Variants in DENND5B observed in about 807,000 individuals in gnomAD.
DENND5B encodes the protein DENN domain containing 5B.
A neutral mutation model predicts 140.6 loss-of-function variants in DENND5B; 34 were observed. The ratio of observed to expected loss-of-function variants is 0.24; its 90% CI spans 0.18 to 0.32. The LOEUF (loss-of-function observed/expected upper bound fraction) is 0.32. Ranked by LOEUF, DENND5B falls within the 10% of genes least tolerant of loss-of-function variation. The pLI is 1.00. For missense variants in DENND5B, 1,142 were observed against 1,560.2 expected (o/e 0.73, Z 4.52); for synonymous variants, 551 against 562.1 (o/e 0.98, Z 0.28).
At chr12:31,466,971 G>C (rs1444304803) in intron 3 of DENND5B, among the ~76,000 whole-genome samples, 1 of 151,980 alleles carries the variant, frequency 6.6e-6, no homozygotes, top group Non-Finnish European at 1.5e-5. Flanking sequence ...GTAACAATGA[G>C]AGTCATTCAT....
chr12:31,469,069 C>T (rs550734777), intron 3 of DENND5B, among the ~76,000 whole-genome samples: 3 of 152,010 alleles, frequency 2.0e-5, no homozygotes, highest in Middle Eastern at 3.4e-3. Context: ...GGTGCATTGC[C>T]TCAGGTCTGT....
chr12:31,400,653 T>C (rs1196573335), intron 15 of DENND5B, among the ~76,000 whole-genome samples: 1 of 152,222 alleles, frequency 6.6e-6, no homozygotes, highest in Non-Finnish European at 1.5e-5. Context: ...CAATGCCTAA[T>C]AACTGTATCA....
At chr12:31,500,579 G>T in intron 1 of DENND5B, 1 of 297,904 alleles carries the variant, frequency 3.4e-6, no homozygotes, top group South Asian at 2.7e-5. Context: ...ACTCAGGAAG[G>T]CCAGGCAGGA....
At chr12:31,389,147 A>C (rs11615330) in intron 20 of DENND5B, among the ~76,000 whole-genome samples, 177 bp downstream of exon 20, 23,727 of 152,194 alleles carry the variant, frequency 0.16, 2,130 homozygotes, top group East Asian at 0.25. Flanking sequence ...CAGTGAGCCA[A>C]GATTATGCCA....
chr12:31,511,921 C>CTTTTTTTT lies in DENND5B; in HGVS notation c.128-16010_128-16003dup, dbSNP rs761566462. Among the ~76,000 whole-genome samples, 68 of 98,936 alleles carry CTTTTTTTT rather than the reference C, an allele frequency of 6.9e-4. 4 individuals carry two copies. Among genetic ancestry groups the CTTTTTTTT allele is most frequent in the Non-Finnish European group, 9.2e-4 (50 of 54,226 alleles). The allele number at this position is 98,936 out of a possible 152,430, so 64.9% of individuals were successfully genotyped here. ...AAATAAAAACATCCCCTCCACTGCC[C>CTTTTTTTT]TTTTTTTTTTTTTTTTTTTTGTGAC... On this transcript the variant is annotated intron_variant, in intron 1 of 20. Coordinates refer to ENST00000389082, the MANE Select transcript of DENND5B (RefSeq NM_144973.4).
intron 1 of DENND5B, among the ~76,000 whole-genome samples, chr12:31,580,482 TTTTA>T (rs1310349924): frequency 1.3e-5 from 2 of 152,076 alleles, no homozygotes; most frequent in African/African-American, 2.4e-5. Context: ...ATTTTACTGT[TTTTA>T]TTTATTTTAT....
At chr12:31,542,091 G>A (rs925617190) in intron 1 of DENND5B, among the ~76,000 whole-genome samples, 5 of 152,046 alleles carry the variant, frequency 3.3e-5, no homozygotes, top group African/African-American at 1.2e-4. Flanking sequence ...TTCAAGACCA[G>A]TCTGGCCAAT....
rs373469738 is a variant in DENND5B, at chr12:31,428,119, C to T, written c.2107-1695G>A. Among the ~76,000 whole-genome samples the T allele has an allele frequency of 3.5e-4, 53 of 152,218 alleles. No homozygotes were observed. The East Asian group carries it at 7.6e-3, about 22-fold the overall frequency. On this transcript the variant is annotated intron_variant, in intron 8 of 20. Transcript: ENST00000389082. ...AATTTTCTCTTATTTCTTTGACCCTCTTAAAAATGTTTGAAGCAGAGGCCA... is the reference window on the plus strand; with the variant it reads ...AATTTTCTCTTATTTCTTTGACCCTTTTAAAAATGTTTGAAGCAGAGGCCA...
At chr12:31,437,812 G>T (rs546609187) in intron 7 of DENND5B, among the ~76,000 whole-genome samples, 2 of 152,106 alleles carry the variant, frequency 1.3e-5, no homozygotes, top group African/African-American at 4.8e-5. Context: ...TAATAAAAAA[G>T]GTATAACATT....
rs115571000 is a variant in DENND5B at position 31,472,684 on chromosome 12, C to A, written c.904+6905G>T. ...CCAAAATTAAAGGGCTCAAACAAAT[C>A]TGCTCTATTTGCCCCAGCACAGAGA... On this transcript the variant is annotated intron_variant, in intron 3 of 20. Transcript: ENST00000389082. Among the ~76,000 whole-genome samples the A allele has an allele frequency of 1.3e-3, 198 of 152,228 alleles. 1 individual carries two copies. Among genetic ancestry groups the A allele is most frequent in the African/African-American group, 4.6e-3 (193 of 41,532 alleles).
intron 1 of DENND5B, among the ~76,000 whole-genome samples, chr12:31,551,466 C>T (rs1441726927): frequency 1.3e-5 from 2 of 152,136 alleles, no homozygotes; most frequent in Non-Finnish European, 2.9e-5. Flanking sequence ...GTTACTGTAG[C>T]CTTGTAGTAT....
chr12:31,401,424 G>A (rs533139689), intron 15 of DENND5B, among the ~76,000 whole-genome samples: 13 of 152,042 alleles, frequency 8.6e-5, no homozygotes, highest in South Asian at 8.3e-4. Flanking sequence ...GGGCGGGAGG[G>A]CATCATGACT....
intron 1 of DENND5B, among the ~76,000 whole-genome samples, chr12:31,557,260 G>C (rs1046252555): frequency 1.3e-4 from 20 of 152,272 alleles, no homozygotes; most frequent in African/African-American, 4.6e-4. Flanking sequence ...TGTATTAGTA[G>C]TTATCTCTAA....
chr12:31,415,375 C>G lies in DENND5B; in HGVS notation c.2544G>C (p.Gln848His). ...GTATTAATAACAAATACCTCATGTC[C>G]TGAATAAGAGAGACCCTGAGCGTTG... ...MLPTLRVSLIQDMRHIQNMSE... is the reference protein window; with the variant it reads ...MLPTLRVSLIHDMRHIQNMSE... The change falls in exon 12 of 21, where the codon CAG (glutamine) becomes CAC (histidine). Residue 848 changes from glutamine (Q) to histidine (H), a missense_variant. Gln to His is a conservative substitution (Grantham distance 24). Around this residue, in one of 5 missense-constraint regions of DENND5B, gnomAD observed 268 missense variants for 349.2 expected, o/e 0.77. Transcript: ENST00000389082. The G allele has an allele frequency of 4.4e-6, 7 of 1,607,146 alleles. No homozygotes were observed. Among genetic ancestry groups the G allele is most frequent in the Non-Finnish European group, 4.2e-6 (5 of 1,176,632 alleles).
At chr12:31,507,654 T>C (rs918627945) in intron 1 of DENND5B, among the ~76,000 whole-genome samples, 1 of 152,240 alleles carries the variant, frequency 6.6e-6, no homozygotes, top group African/African-American at 2.4e-5. Flanking sequence ...AATTTAAGTA[T>C]TGTAACTGCT....
At chr12:31,391,513 A>G (rs866212437) in intron 19 of DENND5B, among the ~76,000 whole-genome samples, 3 of 152,208 alleles carry the variant, frequency 2.0e-5, no homozygotes, top group African/African-American at 7.2e-5. Context: ...CGACCTGAGT[A>G]TAAGTTTGTC....
chr12:31,478,530 C>G (rs370364277), intron 3 of DENND5B, among the ~76,000 whole-genome samples: 1 of 152,022 alleles, frequency 6.6e-6, no homozygotes, highest in Non-Finnish European at 1.5e-5. Flanking sequence ...CAGTGACAGT[C>G]CGTCTCTACA....
At chr12:31,537,826 G>C (rs144815839) in intron 1 of DENND5B, among the ~76,000 whole-genome samples, 128 of 152,202 alleles carry the variant, frequency 8.4e-4, no homozygotes, top group Non-Finnish European at 1.6e-3. Flanking sequence ...AAAAAGACTA[G>C]GAGTAGCTAT....
intron 1 of DENND5B, among the ~76,000 whole-genome samples, chr12:31,534,400 G>A (rs1172443117): frequency 1.3e-5 from 2 of 151,894 alleles, no homozygotes; most frequent in East Asian, 1.9e-4. Context: ...GGCTGGTCTC[G>A]AACTCCTGAC....
Sources: allele counts gnomAD v4.1 joint callset (sites outside exome capture counted in the v4.1 genomes callset), GRCh38; gene constraint gnomAD v4.1.1; regional missense constraint gnomAD v4.1.1; transcripts MANE v1.5; gene names NCBI Gene and HGNC (gene_info 2026-07-23, HGNC 2026-07-21).